RNF4: variants seen among roughly 807,000 people sequenced by gnomAD.
RNF4 encodes the protein ring finger protein 4.
A neutral mutation model predicts 24.3 loss-of-function variants in RNF4; 7 were observed. The observed-to-expected ratio is 0.29, with a 90% CI of 0.16 to 0.54. The LOEUF is 0.54. RNF4 is among the 20% of genes least tolerant of loss of function. The probability of loss-of-function intolerance (pLI) is 0.95; values close to 1 mark genes in which losing one functional copy is unlikely to be tolerated. For missense variants in RNF4, 209 were observed against 248.5 expected, an observed-to-expected ratio of 0.84 and a Z score of 1.07; for synonymous variants, 83 against 84.3, an observed-to-expected ratio of 0.98 and a Z score of 0.09.
intron 4 of RNF4, chr4:2,504,997 G>A (rs1303327235): frequency 2.6e-5 from 4 of 152,122 alleles, no homozygotes; most frequent in Non-Finnish European, 5.9e-5. Flanking sequence ...GCCTCCCAAA[G>A]TGCTGGGATT....
Position 2,512,644 on chromosome 4 carries a change from G to T in RNF4, c.374+47G>T, listed in dbSNP as rs1405956819. 1 of 1,602,646 alleles carries T rather than the reference G, an allele frequency of 6.2e-7. No individual in the cohort carries two copies. The highest frequency in any genetic ancestry group is 1.1e-5 in the South Asian group (1 of 89,680). On this transcript the variant is annotated intron_variant, in intron 6 of 7. Coordinates refer to ENST00000314289, the MANE Select transcript of RNF4 (RefSeq NM_002938.5). The surrounding 1 kb of genome is among the most constrained non-coding windows in gnomAD (Gnocchi z 4.1). ...TGCTGCCGCCATGCTAGGATGTGGG[G>T]CCAGGGCATGGGAATACTTTTCAGC...
At chr4:2,476,011 C>T (rs555360047) in intron 1 of RNF4, among the ~76,000 whole-genome samples, 17 of 152,288 alleles carry the variant, frequency 1.1e-4, no homozygotes, top group Middle Eastern at 6.8e-3. Flanking sequence ...AAAATAGTAT[C>T]TTTATTTTTG....
intron 3 of RNF4, chr4:2,499,438 C>T (rs1735844762): frequency 3.0e-6 from 1 of 332,158 alleles, no homozygotes; most frequent in South Asian, 2.2e-5. Context: ...CACCACACCT[C>T]GCTAATTTTG....
chr4:2,505,947 C>T (rs567213946), intron 4 of RNF4: 2 of 151,578 alleles, frequency 1.3e-5, no homozygotes, highest in East Asian at 2.0e-4. Flanking sequence ...AGTGATCCAC[C>T]CGGGTGGTCT....
intron 3 of RNF4, 184 bp downstream of exon 3, chr4:2,497,305 C>T (rs1375800847): frequency 2.0e-6 from 1 of 498,708 alleles, no homozygotes; most frequent in Non-Finnish European, 3.6e-6. Context: ...AACTGTTCAA[C>T]TCTGGTAATG....
rs1734853765 is a variant in RNF4, at chr4:2,470,059, TTG to T, written c.-158+803_-158+804del. ...GCCGTTTTGGTAGGGATTTCAGCTTTTGTCTTTCACTTGTCAGTTCCCATAGA... is the reference window on the plus strand; with the variant it reads ...GCCGTTTTGGTAGGGATTTCAGCTTTTCTTTCACTTGTCAGTTCCCATAGA... On this transcript the variant is annotated intron_variant, in intron 1 of 7. Transcript: ENST00000314289. 2.6e-5 allele frequency: 4 copies of T among 152,382 alleles called. No individual in the cohort carries two copies. In the South Asian group the frequency reaches 8.3e-4, roughly 32 times the overall value. The allele number at this position is 152,382 out of a possible 1,614,324, so 9.4% of individuals were successfully genotyped here. A position where few individuals can be genotyped will look rare whatever the true frequency, so the allele number is the denominator to read the frequency against.
chr4:2,469,681 C>G (rs1022529121), intron 1 of RNF4: 2 of 152,378 alleles, frequency 1.3e-5, no homozygotes, highest in African/African-American at 4.8e-5. Context: ...GCCCCGCCAT[C>G]GTGGGGCCTG....
intron 1 of RNF4, among the ~76,000 whole-genome samples, chr4:2,472,696 A>C (rs1390305562): frequency 6.6e-6 from 1 of 152,100 alleles, no homozygotes; most frequent in East Asian, 1.9e-4. Context: ...GATGGGTATC[A>C]ACAATGTAAA....
At chr4:2,486,754 G>C (rs570616613) in intron 1 of RNF4, among the ~76,000 whole-genome samples, 1 of 152,170 alleles carries the variant, frequency 6.6e-6, no homozygotes, top group Non-Finnish European at 1.5e-5. Flanking sequence ...AGAGGCTTAG[G>C]AACAGCCTGG....
At chr4:2,513,193 A>T (rs1473645418) in intron 7 of RNF4, 62 bp downstream of exon 7, 1 of 1,480,832 alleles carries the variant, frequency 6.8e-7, no homozygotes, top group African/African-American at 1.4e-5. Context: ...AAAGAATTGG[A>T]TGAGACAGGA....
At position 2,512,486 on chromosome 4, in the gene RNF4, C is replaced by T; in HGVS notation, c.263C>T (p.Ala88Val). ...RNARRLPQDH[A>V]DSCVVSSDDE... ...GCTAGGAGGCTGCCCCAGGACCATG[C>T]TGACAGCTGTGTGGTGAGCAGTGAC... is the stretch of plus-strand genomic sequence containing the variant. The change falls in exon 6 of 8, where the codon GCT becomes GTT. Residue 88 changes from alanine to valine, a missense_variant. This residue lies in a region of RNF4 where 182 missense variants were observed against 197.2 expected (regional missense o/e 0.92). Coordinates refer to ENST00000314289, the MANE Select transcript of RNF4 (RefSeq NM_002938.5). This position sits in a 1 kb window ranked among gnomAD's most constrained non-coding sequence, Gnocchi z 4.1. The T allele has an allele frequency of 6.2e-7, 1 of 1,613,700 alleles. No individual in the cohort carries two copies. Among genetic ancestry groups the T allele is most frequent in the Non-Finnish European group, 8.5e-7 (1 of 1,179,756 alleles).
chr4:2,472,912 C>T lies in RNF4; in HGVS notation c.-158+3654C>T, dbSNP rs192616987. On this transcript the variant is annotated intron_variant, in intron 1 of 7. Transcript: ENST00000314289. Reference sequence around the variant, plus strand: ...AAAATTAGCCGGTCTTGGCAGCGGGCACCTGTAGTCCCAGCTACTCGGGAG... The same window carrying T: ...AAAATTAGCCGGTCTTGGCAGCGGGTACCTGTAGTCCCAGCTACTCGGGAG... 6.3e-3 allele frequency among the ~76,000 whole-genome samples: 959 copies of T among 151,998 alleles called. 4 individuals carry two copies. The highest frequency in any genetic ancestry group is 0.011 in the Non-Finnish European group (752 of 67,982).
chr4:2,509,392 A>T (rs1167387134), intron 4 of RNF4, among the ~76,000 whole-genome samples: 1 of 150,984 alleles, frequency 6.6e-6, no homozygotes, highest in African/African-American at 2.4e-5. Flanking sequence ...TAATTTTTGT[A>T]GTTTTAGTAG....
At chr4:2,471,702 C>T (rs1208699487) in intron 1 of RNF4, among the ~76,000 whole-genome samples, 2 of 152,158 alleles carry the variant, frequency 1.3e-5, no homozygotes, top group African/African-American at 4.8e-5. Flanking sequence ...AGCCTTATTG[C>T]TGATAGGGAG....
chr4:2,507,212 G>C (rs928635255), intron 4 of RNF4, among the ~76,000 whole-genome samples: 13 of 150,876 alleles, frequency 8.6e-5, no homozygotes, highest in African/African-American at 2.9e-4. Flanking sequence ...AAGAGGGAGG[G>C]AGGGAGGGAA....
intron 1 of RNF4, among the ~76,000 whole-genome samples, chr4:2,475,146 G>A (rs1325212085): frequency 6.6e-6 from 1 of 152,186 alleles, no homozygotes; most frequent in Non-Finnish European, 1.5e-5. Flanking sequence ...ACAACTTTGT[G>A]AAGACTCAAA....
Position 2,490,420 on chromosome 4 carries a change from C to A in RNF4, c.-74C>A. On this transcript the variant is annotated 5_prime_UTR_variant, in exon 2 of 8. Coordinates refer to ENST00000314289, the MANE Select transcript of RNF4 (RefSeq NM_002938.5). ...ACCAGAGGGCATGAAAGGTTGAGAA[C>A]ATTTGACTTCCCTGCAAACCTTGGT... is the stretch of plus-strand genomic sequence containing the variant. The A allele has an allele frequency of 6.6e-7, 1 of 1,513,874 alleles. No homozygotes were observed. The highest frequency in any genetic ancestry group is 9.1e-7 in the Non-Finnish European group (1 of 1,100,224). The allele number at this position is 1,513,874 out of a possible 1,614,324, so 93.8% of individuals were successfully genotyped here.
At chr4:2,495,629 C>T (rs1159854473) in intron 2 of RNF4, among the ~76,000 whole-genome samples, 11 of 105,706 alleles carry the variant, frequency 1.0e-4, no homozygotes, top group South Asian at 3.2e-4. Context: ...TTGGGAAGCT[C>T]TTTTTTTTTT....
intron 2 of RNF4, 130 bp downstream of exon 2, chr4:2,490,632 T>C (rs2108761553): frequency 1.1e-6 from 1 of 924,672 alleles, no homozygotes. Flanking sequence ...AAGGAGTATG[T>C]ATAGGAGCTT....
Sources: gnomAD v4.1 joint callset for allele counts (sites outside exome capture counted in the v4.1 genomes callset) on GRCh38, gnomAD v4.1.1 for gene constraint, gnomAD v4.1.1 regional missense constraint, Gnocchi (gnomAD v3.1) non-coding constraint, MANE v1.5 for transcripts, NCBI Gene and HGNC (gene_info 2026-07-23, HGNC 2026-07-21) for gene names.